TTC6: variants seen among roughly 807,000 people sequenced by gnomAD.
The protein encoded by TTC6 is tetratricopeptide repeat protein 6.
Under a neutral mutation model 210.4 loss-of-function variants are expected in TTC6, and 172 were observed. The ratio of observed to expected loss-of-function variants is 0.82; its 90% CI spans 0.72 to 0.93. TTC6 has a LOEUF of 0.93. Ranked by LOEUF, TTC6 falls within the 40% of genes least tolerant of loss-of-function variation. The pLI is 0.00. For missense variants in TTC6, 2,414 were observed against 2,318.1 expected, an observed-to-expected ratio of 1.04 and a Z score of -0.85; for synonymous variants, 804 against 819.6, an observed-to-expected ratio of 0.98 and a Z score of 0.32.
chr14:37,687,127 C>A (rs1424958030), intron 3 of TTC6, among the ~76,000 whole-genome samples: 1 of 152,094 alleles, frequency 6.6e-6, no homozygotes, highest in African/African-American at 2.4e-5. Context: ...CTCCCTGACC[C>A]GTTGGCAGCA....
intron 14 of TTC6, 68 bp from the exon 17 acceptor site, chr14:37,787,400 T>A (rs536280012): frequency 2.8e-6 from 3 of 1,089,016 alleles, no homozygotes; most frequent in Non-Finnish European, 3.7e-6. Flanking sequence ...AAATTAGTTG[T>A]ACAGGTTTAC....
intron 5 of TTC6, among the ~76,000 whole-genome samples, chr14:37,711,526 T>C (rs1190844642): frequency 6.6e-6 from 1 of 152,160 alleles, no homozygotes; most frequent in Non-Finnish European, 1.5e-5. Context: ...ATTTTGCCTG[T>C]TTCCCCTATT....
At chr14:37,746,669 G>T (rs1042298074) in intron 10 of TTC6, among the ~76,000 whole-genome samples, 1 of 152,168 alleles carries the variant, frequency 6.6e-6, no homozygotes, top group Non-Finnish European at 1.5e-5. Flanking sequence ...TATGTGGGAG[G>T]CTGAGGGACT....
chr14:37,836,350 A>G (rs2096197897), intron 29 of TTC6, among the ~76,000 whole-genome samples: 1 of 152,182 alleles, frequency 6.6e-6, no homozygotes, highest in African/African-American at 2.4e-5. Flanking sequence ...AGAAATGTTT[A>G]TGTGCATTGT....
rs1466845697 is a variant in TTC6, at chr14:37,651,447, T to G, written c.939+28444T>G. 5.2e-5 allele frequency among the ~76,000 whole-genome samples: 4 copies of G among 77,188 alleles called. No individual in the cohort carries two copies. In the East Asian group the frequency reaches 1.4e-3, roughly 26 times the overall value. The allele number at this position is 77,188 out of a possible 152,430, so 50.6% of individuals were successfully genotyped here. The stretch of plus-strand genomic sequence containing the variant: ...TATATTTTTTTTTTTTTTTTTTTTT[T>G]TTTTTTCCATCCATGATTCATTTTT... On this transcript the variant is annotated intron_variant, in intron 1 of 30. Coordinates refer to ENST00000553443, the Ensembl canonical transcript of TTC6.
intron 26 of TTC6, among the ~76,000 whole-genome samples, chr14:37,821,841 C>T: frequency 7.7e-6 from 1 of 130,490 alleles, no homozygotes; most frequent in Admixed American, 9.2e-5. Flanking sequence ...AGTGCAGTGG[C>T]ATGATCTCAG....
At chr14:37,635,963 A>C (rs1467076686) in intron 1 of TTC6, among the ~76,000 whole-genome samples, 1 of 149,102 alleles carries the variant, frequency 6.7e-6, no homozygotes, top group Non-Finnish European at 1.5e-5. Flanking sequence ...CCTGGCAACA[A>C]GAGCAAAATT....
At chr14:37,683,429 A>T (rs1308824604) in intron 3 of TTC6, among the ~76,000 whole-genome samples, 1 of 152,100 alleles carries the variant, frequency 6.6e-6, no homozygotes, top group African/African-American at 2.4e-5. Context: ...TCATATTTGC[A>T]TATCACCCTG....
intron 25 of TTC6, 57 bp from the exon 28 acceptor site, chr14:37,817,521 A>T: frequency 6.6e-7 from 1 of 1,519,814 alleles, no homozygotes; most frequent in Non-Finnish European, 9.1e-7. Flanking sequence ...AAGGAAGTTT[A>T]AGATAGCACA....
chr14:37,654,350 T>G (rs28588121), intron 1 of TTC6, among the ~76,000 whole-genome samples: 1 of 151,986 alleles, frequency 6.6e-6, no homozygotes, highest in Non-Finnish European at 1.5e-5. Flanking sequence ...GCCCCATAAA[T>G]ATATACACTT....
intron 1 of TTC6, among the ~76,000 whole-genome samples, chr14:37,651,413 A>T (rs1595061603): frequency 4.4e-5 from 1 of 22,922 alleles, no homozygotes; most frequent in African/African-American, 1.6e-4. Context: ...ATATATATAT[A>T]TATATATATA....
intron 18 of TTC6, 45 bp downstream of exon 20, chr14:37,795,397 A>G: frequency 1.5e-6 from 2 of 1,318,604 alleles, no homozygotes; most frequent in Non-Finnish European, 2.1e-6. Context: ...ACTTAGCATC[A>G]GAGAAATTGA....
chr14:37,814,107 T>A (rs1470667220), intron 25 of TTC6, among the ~76,000 whole-genome samples: 1 of 152,168 alleles, frequency 6.6e-6, no homozygotes, highest in African/African-American at 2.4e-5. Context: ...CTCTGATGGC[T>A]TCCCATCACA....
At position 37,842,268 on chromosome 14, in the gene TTC6, G is replaced by C. The variant is rs1359518842; in HGVS notation, c.5638G>C (p.Glu1880Gln). ...TGACTATAACCAAGCACTTGATCTTGAAGACTATGCCTCAGTTATATGATT... is the reference window on the plus strand; with the variant it reads ...TGACTATAACCAAGCACTTGATCTTCAAGACTATGCCTCAGTTATATGATT... The change falls in exon 31 of 31, where the codon GAA becomes CAA. Residue 1880 changes from glutamate to glutamine, a missense_variant. Physicochemically the swap from Glu to Gln is conservative, Grantham distance 29. Transcript: ENST00000553443. The C allele has an allele frequency of 3.7e-6, 6 of 1,605,516 alleles. No individual in the cohort carries two copies. The East Asian group carries it at 1.4e-4, about 36-fold the overall frequency.
chr14:37,642,364 C>T (rs1485301946), intron 1 of TTC6, among the ~76,000 whole-genome samples: 1 of 152,164 alleles, frequency 6.6e-6, no homozygotes, highest in African/African-American at 2.4e-5. Flanking sequence ...GGACAATCCG[C>T]AGGTGGTGGT....
chr14:37,654,401 A>G (rs2095718166), intron 1 of TTC6, among the ~76,000 whole-genome samples: 1 of 152,116 alleles, frequency 6.6e-6, no homozygotes, highest in African/African-American at 2.4e-5. Context: ...AAAAAAATTA[A>G]AAGTATGTAG....
intron 2 of TTC6, among the ~76,000 whole-genome samples, chr14:37,681,273 C>T (rs2095782993): frequency 6.6e-6 from 1 of 152,012 alleles, no homozygotes; most frequent in Admixed American, 6.6e-5. Flanking sequence ...GTATAGTAAA[C>T]TGAAAGTACA....
chr14:37,826,117 T>C, intron 27 of TTC6, 78 bp from the exon 30 acceptor site: 3 of 1,415,884 alleles, frequency 2.1e-6, no homozygotes, highest in Non-Finnish European at 2.8e-6. Context: ...AAAGGTTTTA[T>C]TTGATGGAGT....
chr14:37,698,489 C>CT (rs1477889476), intron 4 of TTC6, among the ~76,000 whole-genome samples: 2 of 151,910 alleles, frequency 1.3e-5, no homozygotes, highest in South Asian at 2.1e-4. Flanking sequence ...CAGAGCACAC[C>CT]TTTTTTTTCC....
Sources: allele counts gnomAD v4.1 joint callset (sites outside exome capture counted in the v4.1 genomes callset), GRCh38; gene constraint gnomAD v4.1.1; transcripts MANE v1.5; gene names NCBI Gene and HGNC (gene_info 2026-07-23, HGNC 2026-07-21).